AADAC: variants seen among roughly 807,000 people sequenced by gnomAD.
AADAC encodes the protein arylacetamide deacetylase.
A neutral mutation model predicts 22.7 loss-of-function variants in AADAC; 17 were observed. That is an observed-to-expected ratio of 0.75 (90% CI 0.51 to 1.12). AADAC has a LOEUF of 1.12. Among genes scored for constraint, AADAC ranks in the 50% most tolerant of loss-of-function variants. AADAC has a pLI of 0.00. For synonymous variants in AADAC, 167 were observed against 176.3 expected (o/e 0.95, Z 0.42); for missense variants, 465 against 473.9 (o/e 0.98, Z 0.17).
chr3:151,824,625 AAAC>A (rs780102502), intron 3 of AADAC, 35 bp from the exon 4 acceptor site: 44 of 1,297,466 alleles, frequency 3.4e-5, no homozygotes, highest in East Asian at 1.4e-4. Flanking sequence ...TAATCAAAAC[AAAC>A]AAAAAAATGT....
At chr3:151,824,986 A>G (rs1243492815) in intron 4 of AADAC, 152 bp downstream of exon 4, 3 of 569,602 alleles carry the variant, frequency 5.3e-6, no homozygotes, top group Non-Finnish European at 8.2e-6. Flanking sequence ...TTGAGAAGAA[A>G]TGACTAAAAC....
At chr3:151,819,522 A>C (rs1255243591) in intron 2 of AADAC, among the ~76,000 whole-genome samples, 2 of 152,092 alleles carry the variant, frequency 1.3e-5, no homozygotes, top group East Asian at 3.8e-4. Context: ...ATAAATAAGC[A>C]AGAAAATTAT....
At chr3:151,816,761 C>CT (rs1292783865) in intron 1 of AADAC, among the ~76,000 whole-genome samples, 59 of 151,360 alleles carry the variant, frequency 3.9e-4, no homozygotes, top group South Asian at 1.5e-3. Context: ...ATGGTTGACA[C>CT]TTTTTTTTTA....
At position 151,827,776 on chromosome 3, in the gene AADAC, A is replaced by T. The variant is rs1487999475; in HGVS notation, c.804A>T (p.Gln268His). ...TTGAAAAAGCCATGCTTTCCAGACA[A>T]CATGTACCTGTGGAATCAAGTCATC... is the stretch of plus-strand genomic sequence containing the variant. Reference protein sequence around the residue: ...RSLEKAMLSRQHVPVESSHLF... With the variant: ...RSLEKAMLSRHHVPVESSHLF... Residue 268 changes from glutamine (Q) to histidine (H), a missense_variant, in exon 5 of 5, where the codon CAA (glutamine) becomes CAT (histidine). Physicochemically the swap from Gln to His is conservative, Grantham distance 24 (BLOSUM62 0). Transcript: ENST00000232892. 6.8e-6 allele frequency: 11 copies of T among 1,613,258 alleles called. No individual in the cohort carries two copies. The highest frequency in any genetic ancestry group is 9.3e-6 in the Non-Finnish European group (11 of 1,179,550).
intron 4 of AADAC, among the ~76,000 whole-genome samples, chr3:151,825,419 T>C (rs778213230): frequency 2.6e-5 from 4 of 151,656 alleles, no homozygotes; most frequent in South Asian, 4.2e-4. Flanking sequence ...TAAAATAATA[T>C]GTGTCAGTAA....
intron 4 of AADAC, among the ~76,000 whole-genome samples, chr3:151,825,539 T>C (rs959599640): frequency 1.3e-5 from 2 of 152,020 alleles, no homozygotes; most frequent in Non-Finnish European, 2.9e-5. Flanking sequence ...TGTATTCCTT[T>C]ATTACCATAA....
intron 1 of AADAC, among the ~76,000 whole-genome samples, chr3:151,814,745 G>T (rs867041946): frequency 2.0e-5 from 3 of 151,982 alleles, no homozygotes; most frequent in South Asian, 2.1e-4. Context: ...CTCAAGAAAA[G>T]ATTCAATGGG....
Position 151,820,450 on chromosome 3 carries a change from CAA to C in AADAC, c.430_431del (p.Asn144LeufsTer6). The C allele has an allele frequency of 6.3e-7, 1 of 1,575,992 alleles. No homozygotes were observed. ...DRLDAVVVST[N>X]YRLAPKYHFP... is the part of the protein sequence containing the mutation. ...GACTTGATGCTGTCGTCGTATCAACCAAGTAAGAGCTGTGCTGTTTGGTTTCC... is the reference window on the plus strand; with the variant it reads ...GACTTGATGCTGTCGTCGTATCAACCGTAAGAGCTGTGCTGTTTGGTTTCC... On this transcript the variant is annotated frameshift_variant and splice_region_variant, in exon 3 of 5. Coordinates refer to ENST00000232892, the MANE Select transcript of AADAC (RefSeq NM_001086.3). LOFTEE classifies it high-confidence loss of function.
At chr3:151,816,331 A>G (rs1300818749) in intron 1 of AADAC, among the ~76,000 whole-genome samples, 1 of 152,100 alleles carries the variant, frequency 6.6e-6, no homozygotes, top group Non-Finnish European at 1.5e-5. Context: ...TGGTTAGCAA[A>G]AGACTTAGGA....
intron 1 of AADAC, among the ~76,000 whole-genome samples, chr3:151,814,814 G>C (rs535395465): frequency 2.6e-5 from 4 of 152,158 alleles, no homozygotes; most frequent in African/African-American, 9.6e-5. Flanking sequence ...GCACAAATGA[G>C]AGGGGGAGGG....
At position 151,824,961 on chromosome 3, in the gene AADAC, CTATTAAAG is replaced by C. The variant is rs1185546523; in HGVS notation, c.603+128_603+135del. On this transcript the variant is annotated intron_variant, in intron 4 of 4. Transcript: ENST00000232892. ...AATAGGAGATATTGATTTTTTGAAA[CTATTAAAG>C]AGAATATTGAGAAGAAATGACTAAA... The C allele has an allele frequency of 1.0e-4, 70 of 683,608 alleles. 1 individual carries two copies. In the African/African-American group the frequency reaches 1.1e-3, roughly 11 times the overall value. The allele number at this position is 683,608 out of a possible 1,614,324, so 42.3% of individuals were successfully genotyped here. A position where few individuals can be genotyped will look rare whatever the true frequency, so the allele number is the denominator to read the frequency against.
chr3:151,820,524 T>C lies in AADAC; in HGVS notation c.431+72T>C, dbSNP rs1437666472. The C allele has an allele frequency of 5.2e-6, 6 of 1,145,296 alleles. No homozygotes were observed. In the East Asian group the frequency reaches 1.6e-4, roughly 31 times the overall value. The allele number at this position is 1,145,296 out of a possible 1,614,324, so 70.9% of individuals were successfully genotyped here. On this transcript the variant is annotated intron_variant, in intron 3 of 4. Coordinates refer to ENST00000232892, the MANE Select transcript of AADAC (RefSeq NM_001086.3). ...AAGATTTTCTCAGCTTTCTTTTTTT[T>C]TTTTTTTTTTTGTGATGGAGTCTCA...
rs1716402473 is a variant in AADAC, at chr3:151,824,723, A to C, written c.492A>C (p.Leu164Phe). Residue 164 changes from leucine (L) to phenylalanine (F), a missense_variant, in exon 4 of 5, where the codon TTA becomes TTC. By Grantham distance (22) the Leu-to-Phe change is conservative. Transcript: ENST00000232892. The part of the protein sequence containing the change: ...PIQFEDVYNA[L>F]RWFLRKKVLA... ...AATTTGAAGATGTATATAATGCCTT[A>C]AGGTGGTTCTTACGTAAAAAAGTTC... The C allele has an allele frequency of 6.2e-7, 1 of 1,607,838 alleles. No homozygotes were observed.
At chr3:151,824,924 A>G (rs1341715996) in intron 4 of AADAC, 90 bp downstream of exon 4, 7 of 1,046,208 alleles carry the variant, frequency 6.7e-6, no homozygotes, top group Non-Finnish European at 6.4e-6. Flanking sequence ...CATGTATTAA[A>G]ATATGAATGC....
At chr3:151,820,516 CT>C (rs34039248) in intron 3 of AADAC, 64 bp downstream of exon 3, 67,987 of 409,298 alleles carry the variant, frequency 0.17, 931 homozygotes, top group African/African-American at 0.22. Context: ...TCTCAGCTTT[CT>C]TTTTTTTTTT....
Position 151,827,950 on chromosome 3 carries a change from C to T in AADAC, c.978C>T (p.Asp326=). ...DVRAAPLLAD[D]NKLRGLPLTY... ...GGGCAGCCCCTTTGTTGGCTGATGACAACAAATTACGTGGCTTACCCCTGA... is the reference window on the plus strand; with the variant it reads ...GGGCAGCCCCTTTGTTGGCTGATGATAACAAATTACGTGGCTTACCCCTGA... The change falls in exon 5 of 5, where the codon GAC becomes GAT. Residue 326 remains aspartate (D), a synonymous_variant. Transcript: ENST00000232892. 6.2e-7 allele frequency: 1 copy of T among 1,610,902 alleles called. No homozygotes were observed. The highest frequency in any genetic ancestry group is 8.5e-7 in the Non-Finnish European group (1 of 1,178,014).
chr3:151,818,200 C>T (rs992101854), intron 2 of AADAC, among the ~76,000 whole-genome samples: 4 of 149,476 alleles, frequency 2.7e-5, no homozygotes, highest in Non-Finnish European at 4.4e-5. Context: ...AAGATTGCAC[C>T]GTTGCACTCC....
At chr3:151,822,269 A>C (rs1191563485) in intron 3 of AADAC, among the ~76,000 whole-genome samples, 2 of 152,072 alleles carry the variant, frequency 1.3e-5, no homozygotes, top group Non-Finnish European at 2.9e-5. Context: ...AAGTTCAAAC[A>C]GAGTTACCAT....
intron 4 of AADAC, among the ~76,000 whole-genome samples, chr3:151,825,479 A>G (rs1166445913): frequency 1.3e-5 from 2 of 151,958 alleles, no homozygotes; most frequent in East Asian, 3.9e-4. Context: ...GAGACTAATG[A>G]CCCTATTACG....
Sources: allele counts gnomAD v4.1 joint callset (sites outside exome capture counted in the v4.1 genomes callset), GRCh38; gene constraint gnomAD v4.1.1; transcripts MANE v1.5; gene names NCBI Gene and HGNC (gene_info 2026-07-23, HGNC 2026-07-21).